The following TRPM3 variants were observed in gnomAD, a reference collection of about 807,000 sequenced individuals.
TRPM3 encodes long transient receptor potential channel 3.
TRPM3 carries 77 observed loss-of-function variants against 181.2 expected under a neutral mutation model. The ratio of observed to expected loss-of-function variants is 0.42; its 90% CI spans 0.35 to 0.51. TRPM3 has a LOEUF of 0.51. TRPM3 is among the 20% of genes least tolerant of loss of function. TRPM3 has a pLI of 0.01. For missense variants in TRPM3, 1,759 were observed against 2,196.7 expected, an observed-to-expected ratio of 0.80 and a Z score of 3.98; for synonymous variants, 745 against 796.4, an observed-to-expected ratio of 0.94 and a Z score of 1.09.
intron 1 of TRPM3, among the ~76,000 whole-genome samples, chr9:71,175,579 GA>G (rs913530445): frequency 2.6e-5 from 4 of 152,180 alleles, no homozygotes; most frequent in African/African-American, 7.2e-5. Flanking sequence ...GATAGTGTCA[GA>G]GGGAAAGATC....
intron 1 of TRPM3, among the ~76,000 whole-genome samples, chr9:71,285,501 T>A (rs2132231611): frequency 6.6e-6 from 1 of 152,140 alleles, no homozygotes. Flanking sequence ...GTGGCAGAAA[T>A]GTCTTGCTCT....
intron 1 of TRPM3, among the ~76,000 whole-genome samples, chr9:71,128,889 C>A (rs1337191074): frequency 6.6e-6 from 1 of 152,154 alleles, no homozygotes; most frequent in Non-Finnish European, 1.5e-5. Context: ...TTCTCAAGCA[C>A]CTTCTGACTC....
At chr9:70,651,169 A>C (rs2059557328) in intron 9 of TRPM3, among the ~76,000 whole-genome samples, 1 of 152,196 alleles carries the variant, frequency 6.6e-6, no homozygotes, top group Admixed American at 6.5e-5. Context: ...AATACTGATC[A>C]AGCAGACACA....
At chr9:71,314,271 AT>A (rs898352265) in intron 1 of TRPM3, among the ~76,000 whole-genome samples, 2 of 152,068 alleles carry the variant, frequency 1.3e-5, no homozygotes, top group Non-Finnish European at 2.9e-5. Flanking sequence ...TTATCATATG[AT>A]TTTTTTATCA....
chr9:71,236,868 G>A (rs370559552), intron 1 of TRPM3, among the ~76,000 whole-genome samples: 129 of 152,152 alleles, frequency 8.5e-4, no homozygotes, highest in Admixed American at 2.9e-3. Flanking sequence ...CCAACATGGC[G>A]AAACACTGTC....
At chr9:71,011,741 T>C (rs1011867803) in intron 1 of TRPM3, among the ~76,000 whole-genome samples, 6 of 151,116 alleles carry the variant, frequency 4.0e-5, no homozygotes, top group African/African-American at 1.5e-4. Flanking sequence ...GCTTTACCCA[T>C]ATAGGGGTCA....
At chr9:70,918,949 G>T (rs2096628499) in intron 1 of TRPM3, among the ~76,000 whole-genome samples, 1 of 151,986 alleles carries the variant, frequency 6.6e-6, no homozygotes, top group African/African-American at 2.4e-5. Flanking sequence ...TGGGTCAATT[G>T]CACTGTTTCA....
intron 1 of TRPM3, among the ~76,000 whole-genome samples, chr9:71,137,096 T>A (rs1270005865): frequency 6.6e-6 from 1 of 152,208 alleles, no homozygotes; most frequent in African/African-American, 2.4e-5. Context: ...TTTTTAGTTG[T>A]TGAAACTAAG....
chr9:71,294,793 T>C (rs763206738), intron 1 of TRPM3, among the ~76,000 whole-genome samples: 8 of 152,168 alleles, frequency 5.3e-5, no homozygotes, highest in Non-Finnish European at 1.2e-4. Context: ...GAATTCTGTA[T>C]CAAAGTGAGC....
intron 9 of TRPM3, among the ~76,000 whole-genome samples, chr9:70,656,734 T>C (rs575167973): frequency 3.3e-5 from 5 of 152,316 alleles, no homozygotes; most frequent in Non-Finnish European, 7.4e-5. Flanking sequence ...AATTAAATAA[T>C]AGATATTTCA....
At chr9:71,202,671 C>A (rs957920628) in intron 1 of TRPM3, among the ~76,000 whole-genome samples, 3 of 152,188 alleles carry the variant, frequency 2.0e-5, no homozygotes, top group Non-Finnish European at 2.9e-5. Flanking sequence ...AAACTTCAGT[C>A]TTCCTCACTG....
At chr9:71,219,345 T>A (rs1248871858) in intron 1 of TRPM3, among the ~76,000 whole-genome samples, 2 of 152,216 alleles carry the variant, frequency 1.3e-5, no homozygotes, top group Non-Finnish European at 2.9e-5. Flanking sequence ...ATAGTACACA[T>A]ATTCCTGAAC....
chr9:71,232,028 AC>A (rs532613828), intron 1 of TRPM3, among the ~76,000 whole-genome samples: 166 of 152,336 alleles, frequency 1.1e-3, no homozygotes, highest in African/African-American at 3.8e-3. Context: ...TACTCCAAAG[AC>A]CTTATGTTTC....
chr9:71,242,991 C>T (rs1460635735), intron 1 of TRPM3, among the ~76,000 whole-genome samples: 1 of 152,146 alleles, frequency 6.6e-6, no homozygotes, highest in Non-Finnish European at 1.5e-5. Context: ...CCCAGTGCCG[C>T]TTAGCTCATC....
intron 7 of TRPM3, among the ~76,000 whole-genome samples, chr9:70,781,799 T>A (rs2082521389): frequency 6.6e-6 from 1 of 152,138 alleles, no homozygotes; most frequent in Non-Finnish European, 1.5e-5. Flanking sequence ...TTCCTCCATA[T>A]TAAAGCAGGA....
At chr9:71,097,130 ATGTT>A (rs1301925317) in intron 1 of TRPM3, among the ~76,000 whole-genome samples, 1 of 152,082 alleles carries the variant, frequency 6.6e-6, no homozygotes, top group African/African-American at 2.4e-5. Flanking sequence ...TTGCTTTATA[ATGTT>A]TGTTTGTTCC....
chr9:70,798,154 A>C (rs1419986408), intron 6 of TRPM3, among the ~76,000 whole-genome samples: 3 of 152,148 alleles, frequency 2.0e-5, no homozygotes, highest in Non-Finnish European at 2.9e-5. Flanking sequence ...TCCCAGGCTC[A>C]ACCGATCCTC....
At chr9:70,553,456 A>G in intron 22 of TRPM3, 146 bp from the exon 23 acceptor site, 1 of 1,018,372 alleles carries the variant, frequency 9.8e-7, no homozygotes, top group South Asian at 1.7e-5. Context: ...GCCAAAATTG[A>G]AAAATGAGAG....
intron 1 of TRPM3, among the ~76,000 whole-genome samples, chr9:71,093,156 A>G (rs2066509086): frequency 6.6e-6 from 1 of 152,196 alleles, no homozygotes; most frequent in Non-Finnish European, 1.5e-5. Context: ...AGGCAATACC[A>G]TTCCGGACAT....
Sources: gnomAD v4.1 joint callset for allele counts (sites outside exome capture counted in the v4.1 genomes callset) on GRCh38, gnomAD v4.1.1 for gene constraint, MANE v1.5 for transcripts, NCBI Gene and HGNC (gene_info 2026-07-23, HGNC 2026-07-21) for gene names.